Variants in ARHGAP26 observed in about 807,000 individuals in gnomAD.
ARHGAP26 encodes rho GTPase-activating protein 26.
In ARHGAP26, 38 loss-of-function variants were observed where a neutral mutation model predicts 104.8. The ratio of observed to expected loss-of-function variants is 0.36; its 90% CI spans 0.28 to 0.48. The LOEUF is 0.48. Among genes scored for constraint, ARHGAP26 ranks in the 20% least tolerant of loss-of-function variants. The pLI is 0.99. For missense variants in ARHGAP26, 704 were observed against 947.9 expected (o/e 0.74, Z 3.38); for synonymous variants, 341 against 340.0 (o/e 1.00, Z -0.03).
In ARHGAP26 at chr5:142,850,848, G is replaced by C. The variant is rs552039651; in HGVS notation, c.155-22552G>C. Among the ~76,000 whole-genome samples, 6 of 152,304 alleles carry C rather than the reference G, an allele frequency of 3.9e-5. No individual in the cohort carries two copies. In the South Asian group the frequency reaches 1.2e-3, roughly 32 times the overall value. ...GCTGGATAGCCAATGGATCTGAAAGGACTTTAAAGAGAAAGGATTTTAAGA... is the reference window on the plus strand; with the variant it reads ...GCTGGATAGCCAATGGATCTGAAAGCACTTTAAAGAGAAAGGATTTTAAGA... On this transcript the variant is annotated intron_variant, in intron 1 of 22. Coordinates refer to ENST00000645722, the MANE Select transcript of ARHGAP26 (RefSeq NM_001135608.3).
intron 20 of ARHGAP26, among the ~76,000 whole-genome samples, chr5:143,152,377 A>G (rs958470513): frequency 5.9e-5 from 9 of 152,182 alleles, no homozygotes; most frequent in African/African-American, 1.9e-4. Flanking sequence ...TAAACCCAAA[A>G]CTGCTCTAAA....
At chr5:142,870,446 A>G (rs1296518756) in intron 1 of ARHGAP26, among the ~76,000 whole-genome samples, 2 of 152,184 alleles carry the variant, frequency 1.3e-5, no homozygotes, top group African/African-American at 4.8e-5. Flanking sequence ...GTGAAGTGGT[A>G]TGGTGTTCCC....
At chr5:143,018,755 T>C (rs1408580773) in intron 12 of ARHGAP26, among the ~76,000 whole-genome samples, 2 of 152,330 alleles carry the variant, frequency 1.3e-5, no homozygotes, top group East Asian at 3.9e-4. Context: ...ACTCTTAATA[T>C]CTAGTTATAT....
At chr5:143,134,317 A>C (rs1157444824) in intron 19 of ARHGAP26, among the ~76,000 whole-genome samples, 1 of 152,216 alleles carries the variant, frequency 6.6e-6, no homozygotes, top group Non-Finnish European at 1.5e-5. Flanking sequence ...AAGGGCTGCC[A>C]TTGAGGATTC....
intron 17 of ARHGAP26, among the ~76,000 whole-genome samples, chr5:143,071,877 C>T (rs112768583): frequency 0.046 from 6,994 of 152,194 alleles, 562 homozygotes; most frequent in African/African-American, 0.16. Flanking sequence ...TGCACTCCAG[C>T]CTGGGCAACA....
At chr5:142,895,619 C>A (rs1759373007) in intron 6 of ARHGAP26, among the ~76,000 whole-genome samples, 1 of 152,168 alleles carries the variant, frequency 6.6e-6, no homozygotes, top group African/African-American at 2.4e-5. Flanking sequence ...GCATTGTGTA[C>A]CCCATGTCTA....
intron 22 of ARHGAP26, among the ~76,000 whole-genome samples, chr5:143,218,043 T>A (rs1201178263): frequency 2.6e-5 from 4 of 152,204 alleles, no homozygotes; most frequent in African/African-American, 9.6e-5. Context: ...CAGCAAACTA[T>A]GACCTGCCAG....
chr5:143,135,586 C>A (rs1440904365), intron 19 of ARHGAP26, among the ~76,000 whole-genome samples: 1 of 152,140 alleles, frequency 6.6e-6, no homozygotes, highest in Non-Finnish European at 1.5e-5. Context: ...CAAACCTTCC[C>A]CATCCCAAAA....
At chr5:143,003,963 C>G (rs1314616474) in intron 11 of ARHGAP26, among the ~76,000 whole-genome samples, 9 of 146,780 alleles carry the variant, frequency 6.1e-5, no homozygotes, top group Non-Finnish European at 1.3e-4. Context: ...CCCAGAATCA[C>G]CACACATTCA....
chr5:142,925,356 C>T (rs1278621754), intron 10 of ARHGAP26, among the ~76,000 whole-genome samples: 1 of 152,188 alleles, frequency 6.6e-6, no homozygotes, highest in African/African-American at 2.4e-5. Context: ...CCAAGAGCAA[C>T]ATAAGACCAA....
At chr5:143,082,186 G>T (rs182911345) in intron 17 of ARHGAP26, among the ~76,000 whole-genome samples, 134 of 152,208 alleles carry the variant, frequency 8.8e-4, no homozygotes, top group Non-Finnish European at 1.5e-3. Flanking sequence ...TTAGCATAGT[G>T]ATAATGCCGT....
At chr5:143,070,031 G>T (rs188879166) in intron 17 of ARHGAP26, among the ~76,000 whole-genome samples, 2 of 152,114 alleles carry the variant, frequency 1.3e-5, no homozygotes, top group Admixed American at 6.5e-5. Context: ...GTGGAGTGCC[G>T]ATGGTAGCTT....
At chr5:142,784,923 A>ATTTTT (rs35315311) in intron 1 of ARHGAP26, among the ~76,000 whole-genome samples, 4 of 118,124 alleles carry the variant, frequency 3.4e-5, no homozygotes, top group Admixed American at 8.6e-5. Flanking sequence ...CTTCCTTAGG[A>ATTTTT]TTTTTTTTTT....
At chr5:143,082,694 G>A (rs555469417) in intron 17 of ARHGAP26, among the ~76,000 whole-genome samples, 2 of 152,328 alleles carry the variant, frequency 1.3e-5, no homozygotes, top group East Asian at 3.9e-4. Flanking sequence ...CCGCACATAA[G>A]CGTAATTACA....
At chr5:142,882,961 A>G (rs1406350488) in intron 4 of ARHGAP26, among the ~76,000 whole-genome samples, 1 of 151,886 alleles carries the variant, frequency 6.6e-6, no homozygotes, top group East Asian at 1.9e-4. Context: ...TGACTTAACT[A>G]CCCCACAGTA....
chr5:143,021,663 T>C lies in ARHGAP26; in HGVS notation c.1144+7547T>C, dbSNP rs531344380. Among the ~76,000 whole-genome samples the C allele has an allele frequency of 2.6e-5, 4 of 152,340 alleles. No individual in the cohort carries two copies. The South Asian group carries it at 8.3e-4, about 32-fold the overall frequency. The stretch of plus-strand genomic sequence containing the variant: ...TTCCTCTTCTGTAAAATGGGGATAA[T>C]AATACCCCTGCTTCATAAACTCATT... On this transcript the variant is annotated intron_variant, in intron 12 of 22. Coordinates refer to ENST00000645722, the MANE Select transcript of ARHGAP26 (RefSeq NM_001135608.3).
chr5:143,078,315 T>C (rs988243943), intron 17 of ARHGAP26, among the ~76,000 whole-genome samples: 1 of 151,876 alleles, frequency 6.6e-6, no homozygotes, highest in Non-Finnish European at 1.5e-5. Flanking sequence ...ATCCCGAGAG[T>C]GAGTGAGGGC....
At chr5:142,874,875 CT>C in intron 2 of ARHGAP26, 1 of 512,600 alleles carries the variant, frequency 2.0e-6, no homozygotes, top group Non-Finnish European at 3.5e-6. Context: ...ACAGGCAGAT[CT>C]TTTCCTTGAA....
chr5:142,807,866 C>T (rs1223017294), intron 1 of ARHGAP26, among the ~76,000 whole-genome samples: 1 of 152,172 alleles, frequency 6.6e-6, no homozygotes, highest in Non-Finnish European at 1.5e-5. Flanking sequence ...TATTTTAATG[C>T]TGTGTCATCT....
Sources: gnomAD v4.1 joint callset for allele counts (sites outside exome capture counted in the v4.1 genomes callset) on GRCh38, gnomAD v4.1.1 for gene constraint, MANE v1.5 for transcripts, NCBI Gene and HGNC (gene_info 2026-07-23, HGNC 2026-07-21) for gene names.